Variants in DPP6 observed in about 807,000 individuals in gnomAD.
The protein encoded by DPP6 is dipeptidyl peptidase like 6, also known as A-type potassium channel modulatory protein DPP6.
A neutral mutation model predicts 122.6 loss-of-function variants in DPP6; 69 were observed. The ratio of observed to expected loss-of-function variants is 0.56; its 90% CI spans 0.46 to 0.69. The LOEUF (loss-of-function observed/expected upper bound fraction) is 0.69, where lower values mean the gene tolerates loss of function less well. Among genes scored for constraint, DPP6 ranks in the 30% least tolerant of loss-of-function variants. The pLI is 0.00. For synonymous variants in DPP6, 418 were observed against 433.1 expected (o/e 0.97, Z 0.43); for missense variants, 928 against 1,116.9 (o/e 0.83, Z 2.41).
intron 1 of DPP6, among the ~76,000 whole-genome samples, chr7:154,196,832 A>G (rs1798893240): frequency 6.6e-6 from 1 of 152,136 alleles, no homozygotes; most frequent in Non-Finnish European, 1.5e-5. Flanking sequence ...AGCTGGCCCT[A>G]TCCCGTTTCC....
At chr7:154,776,656 A>G (rs576519160) in intron 10 of DPP6, among the ~76,000 whole-genome samples, 4 of 152,296 alleles carry the variant, frequency 2.6e-5, no homozygotes, top group African/African-American at 9.6e-5. Flanking sequence ...TTGACTTCAA[A>G]TTTAGCCGGT....
chr7:154,883,403 T>TAA (rs1563322045), intron 21 of DPP6, among the ~76,000 whole-genome samples: 2 of 65,416 alleles, frequency 3.1e-5, no homozygotes, highest in African/African-American at 1.4e-4. Context: ...CACACACACA[T>TAA]GCTCACCCAT....
the DPP6 span, among the ~76,000 whole-genome samples, chr7:153,806,982 T>C: frequency 6.6e-6 from 1 of 152,086 alleles, no homozygotes; most frequent in African/African-American, 2.4e-5. Flanking sequence ...CGGCCTTTTT[T>C]ATTCCCTTCT....
intron 1 of DPP6, among the ~76,000 whole-genome samples, chr7:154,140,795 A>G (rs568283166): frequency 3.2e-4 from 49 of 152,354 alleles, no homozygotes; most frequent in Non-Finnish European, 5.1e-4. Flanking sequence ...TGCTTGGCGA[A>G]TTGCCTCAAA....
chr7:154,497,649 A>G (rs1299187143), intron 3 of DPP6, among the ~76,000 whole-genome samples: 1 of 151,914 alleles, frequency 6.6e-6, no homozygotes, highest in Admixed American at 6.6e-5. Context: ...AAGAGCTAGG[A>G]TAAATTAGAT....
the DPP6 span, among the ~76,000 whole-genome samples, chr7:153,811,157 G>C: frequency 3.3e-5 from 5 of 152,292 alleles, no homozygotes; most frequent in Non-Finnish European, 5.9e-5. Flanking sequence ...TCCCATGAGA[G>C]GGAAGGCTGT....
chr7:154,529,331 A>G (rs904921027), intron 3 of DPP6, among the ~76,000 whole-genome samples: 9 of 152,212 alleles, frequency 5.9e-5, no homozygotes, highest in African/African-American at 2.2e-4. Context: ...GAGCTTAAAC[A>G]TCTTCACTAA....
At chr7:154,350,962 C>A (rs1483660528) in intron 1 of DPP6, among the ~76,000 whole-genome samples, 1 of 152,124 alleles carries the variant, frequency 6.6e-6, no homozygotes, top group Non-Finnish European at 1.5e-5. Flanking sequence ...CCTCGGAGGG[C>A]ATTTTCAGAT....
intron 7 of DPP6, among the ~76,000 whole-genome samples, chr7:154,682,077 A>C (rs988136713): frequency 1.3e-5 from 2 of 152,240 alleles, no homozygotes; most frequent in African/African-American, 4.8e-5. Flanking sequence ...AAGGTCCAAC[A>C]TTCATGGAAA....
the DPP6 span, among the ~76,000 whole-genome samples, chr7:153,764,958 C>T: frequency 5.9e-5 from 9 of 152,174 alleles, no homozygotes; most frequent in African/African-American, 1.7e-4. Flanking sequence ...CCGTTTCAGG[C>T]TCTGTGACGC....
At position 154,340,500 on chromosome 7, in the gene DPP6, C is replaced by T. The variant is rs527245657; in HGVS notation, c.244-105714C>T. ...CTTCACCTTCGCTCAGGTTTCCTGG[C>T]TCACTGGCTATGGTGAATAATTTAT... On this transcript the variant is annotated intron_variant, in intron 1 of 25. Transcript: ENST00000377770. Among the ~76,000 whole-genome samples the T allele has an allele frequency of 6.5e-3, 996 of 152,302 alleles. 12 individuals are homozygous for T. The highest frequency in any genetic ancestry group is 0.011 in the South Asian group (52 of 4,826).
chr7:154,318,941 A>G (rs969432369), intron 1 of DPP6, among the ~76,000 whole-genome samples: 5 of 152,232 alleles, frequency 3.3e-5, no homozygotes, highest in African/African-American at 1.2e-4. Flanking sequence ...GCTTATGCCC[A>G]GGCATGTGTG....
upstream of DPP6, among the ~76,000 whole-genome samples, chr7:153,886,903 G>A (rs964007313): frequency 9.9e-5 from 15 of 152,104 alleles, no homozygotes; most frequent in Non-Finnish European, 1.6e-4. Flanking sequence ...GGCTGCGGAC[G>A]GCGGCTCCAT....
rs112703813 is a variant in DPP6 at position 154,735,000 on chromosome 7, C to A, written c.883+7113C>A. Among the ~76,000 whole-genome samples, 1,240 of 152,316 alleles carry A rather than the reference C, an allele frequency of 8.1e-3. 19 individuals carry two copies. Among genetic ancestry groups the A allele is most frequent in the African/African-American group, 0.029 (1,187 of 41,552 alleles). ...TTCCCAAACTCGGTAAAATAAGAGG[C>A]ACCTGCTCAACTATTTCATTTGCAA... On this transcript the variant is annotated intron_variant, in intron 8 of 25. Transcript: ENST00000377770.
chr7:154,475,380 A>G, intron 3 of DPP6: 2 of 324,920 alleles, frequency 6.2e-6, no homozygotes, highest in Non-Finnish European at 1.2e-5. Flanking sequence ...AGTGCAGGGC[A>G]CGGTGAGCTT....
chr7:153,986,179 T>C (rs1796840492), intron 1 of DPP6, among the ~76,000 whole-genome samples: 2 of 152,226 alleles, frequency 1.3e-5, no homozygotes, highest in Admixed American at 6.5e-5. Flanking sequence ...CCAGTCCCCA[T>C]TGGAAACAGA....
the DPP6 span, among the ~76,000 whole-genome samples, chr7:153,772,907 T>C: frequency 1.5e-5 from 2 of 132,436 alleles, no homozygotes; most frequent in African/African-American, 5.2e-5. Flanking sequence ...CTTTTATATA[T>C]TATTATATAA....
At chr7:154,449,729 G>A (rs552275746) in intron 2 of DPP6, among the ~76,000 whole-genome samples, 88 of 152,014 alleles carry the variant, frequency 5.8e-4, no homozygotes, top group Non-Finnish European at 7.4e-4. Context: ...GTGATGTGGC[G>A]GGGCGCGGTG....
intron 16 of DPP6, among the ~76,000 whole-genome samples, chr7:154,837,107 GCACA>G (rs922345234): frequency 6.6e-5 from 10 of 152,134 alleles, no homozygotes; most frequent in Admixed American, 3.3e-4. Context: ...ACACCTGCAT[GCACA>G]CACACACATG....
Sources: gnomAD v4.1 joint callset for allele counts (sites outside exome capture counted in the v4.1 genomes callset) on GRCh38, gnomAD v4.1.1 for gene constraint, MANE v1.5 for transcripts, NCBI Gene and HGNC (gene_info 2026-07-23, HGNC 2026-07-21) for gene names.